The following USP12 variants were observed in gnomAD, a reference collection of about 807,000 sequenced individuals.
USP12 encodes the protein ubiquitin carboxyl-terminal hydrolase 12.
Under a neutral mutation model 45.5 loss-of-function variants are expected in USP12, and 19 were observed. That is an observed-to-expected ratio of 0.42 (90% CI 0.29 to 0.61). The LOEUF is 0.61. Among genes scored for constraint, USP12 ranks in the 20% least tolerant of loss-of-function variants. USP12 has a pLI of 0.22. For missense variants in USP12, 242 were observed against 447.7 expected (o/e 0.54, Z 4.15); for synonymous variants, 149 against 148.8 (o/e 1.00, Z -0.01).
At chr13:27,126,103 G>A (rs1876226293) in intron 1 of USP12, among the ~76,000 whole-genome samples, 1 of 152,218 alleles carries the variant, frequency 6.6e-6, no homozygotes, top group Admixed American at 6.5e-5. Context: ...TGCCTGACAG[G>A]TCTAAGAGAC....
chr13:27,162,491 T>C (rs1878155043), intron 1 of USP12, among the ~76,000 whole-genome samples: 1 of 152,162 alleles, frequency 6.6e-6, no homozygotes, highest in Admixed American at 6.5e-5. Context: ...TTTGTGAAAA[T>C]GGGGCTAATA....
intron 1 of USP12, among the ~76,000 whole-genome samples, chr13:27,153,562 T>C (rs963773811): frequency 6.6e-5 from 10 of 152,182 alleles, no homozygotes; most frequent in Non-Finnish European, 1.5e-4. Context: ...CATTAATCGG[T>C]ACATTAGAGT....
At chr13:27,075,580 C>T (rs1016497257) in intron 6 of USP12, among the ~76,000 whole-genome samples, 192 bp from the exon 7 acceptor site, 1 of 152,118 alleles carries the variant, frequency 6.6e-6, no homozygotes, top group Non-Finnish European at 1.5e-5. Flanking sequence ...CTTAATATGA[C>T]CCCACCCTAC....
At chr13:27,148,705 A>G (rs944610091) in intron 1 of USP12, among the ~76,000 whole-genome samples, 1 of 146,000 alleles carries the variant, frequency 6.8e-6, no homozygotes, top group Non-Finnish European at 1.5e-5. Flanking sequence ...ATAAATAATA[A>G]TAACAGCACA....
chr13:27,093,726 G>A (rs1468741254), intron 4 of USP12, among the ~76,000 whole-genome samples: 1 of 152,200 alleles, frequency 6.6e-6, no homozygotes, highest in Non-Finnish European at 1.5e-5. Context: ...GCACACAAAT[G>A]TTTATAGCAG....
chr13:27,074,209 G>A (rs1179118551), intron 7 of USP12, among the ~76,000 whole-genome samples: 2 of 152,140 alleles, frequency 1.3e-5, no homozygotes, highest in Non-Finnish European at 2.9e-5. Flanking sequence ...GACCATCCTG[G>A]CTAACATGGT....
chr13:27,117,910 C>T (rs898740355), intron 1 of USP12: 8 of 457,446 alleles, frequency 1.7e-5, no homozygotes, highest in African/African-American at 1.4e-4. Context: ...CAAGCAGATA[C>T]AACTAAACAG....
At chr13:27,095,920 C>G in intron 3 of USP12, 90 bp from the exon 4 acceptor site, 2 of 930,032 alleles carry the variant, frequency 2.2e-6, no homozygotes. Flanking sequence ...AGTATTGGAT[C>G]AGAACTAAAA....
chr13:27,131,968 TA>T (rs113488847), intron 1 of USP12, among the ~76,000 whole-genome samples: 3,640 of 152,292 alleles, frequency 0.024, 173 homozygotes, highest in African/African-American at 0.083. Context: ...GGCCACCTCC[TA>T]ATTTTTATTA....
In USP12 at chr13:27,091,507, A is replaced by G. The variant is rs181773628; in HGVS notation, c.574-1349T>C. Among the ~76,000 whole-genome samples the G allele has an allele frequency of 6.1e-3, 925 of 152,360 alleles. 5 individuals are homozygous for G. The highest frequency in any genetic ancestry group is 0.014 in the Middle Eastern group (4 of 294). The stretch of plus-strand genomic sequence containing the variant: ...GTGCCAAGCGGTCATCAAGTAGGAC[A>G]GTATTCCACTTTTCAAAGTGGTTGT... On this transcript the variant is annotated intron_variant, in intron 4 of 8. Transcript: ENST00000282344.
intron 1 of USP12, among the ~76,000 whole-genome samples, chr13:27,145,091 C>T (rs972680753): frequency 6.6e-6 from 1 of 152,110 alleles, no homozygotes; most frequent in South Asian, 2.1e-4. Context: ...GGGACTTGAA[C>T]ACAAGTCTTG....
At chr13:27,114,869 T>G (rs1462083763) in intron 2 of USP12, among the ~76,000 whole-genome samples, 1 of 151,974 alleles carries the variant, frequency 6.6e-6, no homozygotes, top group East Asian at 1.9e-4. Flanking sequence ...GTGCCTGTGG[T>G]CCCAGCTACT....
intron 6 of USP12, chr13:27,077,775 G>T (rs1873558133): frequency 6.6e-6 from 1 of 152,092 alleles, no homozygotes; most frequent in Non-Finnish European, 1.5e-5. Context: ...GAAGAAAAAA[G>T]AAGTTGATTT....
chr13:27,081,140 C>A (rs928594743), intron 6 of USP12, among the ~76,000 whole-genome samples: 2 of 152,026 alleles, frequency 1.3e-5, no homozygotes, highest in African/African-American at 2.4e-5. Context: ...GAATGTCTGC[C>A]ACATCAACTG....
chr13:27,156,444 G>A (rs61944156), intron 1 of USP12, among the ~76,000 whole-genome samples: 7 of 152,160 alleles, frequency 4.6e-5, no homozygotes, highest in Non-Finnish European at 7.4e-5. Flanking sequence ...GAAACGCAAC[G>A]ATGATCATTA....
At chr13:27,139,040 T>G (rs938665267) in intron 1 of USP12, among the ~76,000 whole-genome samples, 2 of 152,218 alleles carry the variant, frequency 1.3e-5, no homozygotes, top group Non-Finnish European at 2.9e-5. Context: ...AGGAAGATTC[T>G]TATTCTTTTT....
chr13:27,122,546 G>A (rs1876044017), intron 1 of USP12, among the ~76,000 whole-genome samples: 1 of 152,022 alleles, frequency 6.6e-6, no homozygotes, highest in South Asian at 2.1e-4. Flanking sequence ...CAACTACTTG[G>A]GAGACTGAGA....
chr13:27,162,351 G>A (rs909276535), intron 1 of USP12, among the ~76,000 whole-genome samples: 4 of 152,170 alleles, frequency 2.6e-5, no homozygotes, highest in Non-Finnish European at 5.9e-5. Flanking sequence ...TGTTTGAAAA[G>A]GAGTAATTTT....
chr13:27,171,727 G>T lies in USP12; in HGVS notation c.-88C>A. 2.2e-6 allele frequency: 2 copies of T among 894,266 alleles called. No individual in the cohort carries two copies. The highest frequency in any genetic ancestry group is 3.1e-5 in the South Asian group (1 of 32,340). The allele number at this position is 894,266 out of a possible 1,614,324, so 55.4% of individuals were successfully genotyped here. ...GGGCCGCCCGCTCGCACCGCAGCCC[G>T]CGGGCGGACCCCGAGCCGCCGCGGA... is the stretch of plus-strand genomic sequence containing the variant. On this transcript the variant is annotated 5_prime_UTR_variant, in exon 1 of 9. Coordinates refer to ENST00000282344, the MANE Select transcript of USP12 (RefSeq NM_182488.4).
Sources: allele counts gnomAD v4.1 joint callset (sites outside exome capture counted in the v4.1 genomes callset), GRCh38; gene constraint gnomAD v4.1.1; transcripts MANE v1.5; gene names NCBI Gene and HGNC (gene_info 2026-07-23, HGNC 2026-07-21).